The following ZNF831 variants were observed in gnomAD, a reference collection of about 807,000 sequenced individuals.
ZNF831 encodes zinc finger protein 831.
ZNF831 carries 59 observed loss-of-function variants against 95.8 expected under a neutral mutation model. The observed-to-expected ratio is 0.62, with a 90% CI of 0.50 to 0.77. The LOEUF is 0.77. Ranked by LOEUF, ZNF831 falls within the 30% of genes least tolerant of loss-of-function variation. The probability of loss-of-function intolerance (pLI) is 0.00; values close to 1 mark genes in which losing one functional copy is unlikely to be tolerated. For missense variants in ZNF831, 2,205 were observed against 2,164.0 expected (o/e 1.02, Z -0.38); for synonymous variants, 961 against 925.5 (o/e 1.04, Z -0.70).
At chr20:59,223,415 T>A (rs1434184116) in intron 4 of ZNF831, among the ~76,000 whole-genome samples, 1 of 152,176 alleles carries the variant, frequency 6.6e-6, no homozygotes, top group Non-Finnish European at 1.5e-5. Context: ...CCATGTTTTT[T>A]AAAAGCACAT....
intron 4 of ZNF831, among the ~76,000 whole-genome samples, chr20:59,252,341 C>T (rs73915990): frequency 0.013 from 1,988 of 152,276 alleles, 48 homozygotes; most frequent in African/African-American, 0.045. Flanking sequence ...ATGATGGAAC[C>T]TGCCCTCTCT....
intron 1 of ZNF831, among the ~76,000 whole-genome samples, chr20:59,172,679 T>G (rs1209215105): frequency 3.3e-5 from 5 of 152,134 alleles, no homozygotes; most frequent in African/African-American, 1.2e-4. Context: ...ATTTCCAGAT[T>G]TCAGTCAACC....
Position 59,193,747 on chromosome 20 carries a change from G to T in ZNF831, c.2728G>T (p.Ala910Ser), listed in dbSNP as rs142975883. Residue 910 changes from alanine (A) to serine (S), a missense_variant, in exon 2 of 6, where the codon GCC becomes TCC. Coordinates refer to ENST00000371030, the MANE Select transcript of ZNF831 (RefSeq NM_178457.3). ...RDKATPLHPA[A>S]PAPAEHPSLA... ...CAAGGCTACCCCACTGCATCCTGCA[G>T]CCCCAGCCCCCGCAGAGCACCCCTC... 2.5e-5 allele frequency: 40 copies of T among 1,609,726 alleles called. No homozygotes were observed. Among genetic ancestry groups the T allele is most frequent in the Admixed American group, 1.8e-4 (11 of 59,688 alleles).
rs772235624 is a variant in ZNF831 at position 59,194,146 on chromosome 20, T to A, written c.3127T>A (p.Ser1043Thr). ...SRPAARELPI[S>T]APGAPREATS... is the part of the protein sequence containing the mutation. ...GCCAGCAGCCAGGGAGTTGCCCATCTCAGCACCAGGGGCTCCCAGGGAGGC... is the reference window on the plus strand; with the variant it reads ...GCCAGCAGCCAGGGAGTTGCCCATCACAGCACCAGGGGCTCCCAGGGAGGC... The change falls in exon 2 of 6, where the codon TCA (serine) becomes ACA (threonine). Residue 1043 changes from serine to threonine, a missense_variant. Transcript: ENST00000371030. 4 of 1,573,902 alleles carry A rather than the reference T, an allele frequency of 2.5e-6. No individual in the cohort carries two copies. The highest frequency in any genetic ancestry group is 3.5e-6 in the Non-Finnish European group (4 of 1,158,666).
intron 1 of ZNF831, among the ~76,000 whole-genome samples, chr20:59,176,107 C>A (rs1335967259): frequency 6.6e-6 from 1 of 152,214 alleles, no homozygotes; most frequent in African/African-American, 2.4e-5. Flanking sequence ...CACACTGTGG[C>A]ACACCCACAC....
chr20:59,142,807 G>A (rs377194997), intron 1 of ZNF831, among the ~76,000 whole-genome samples: 3 of 152,212 alleles, frequency 2.0e-5, no homozygotes, highest in South Asian at 4.1e-4. Flanking sequence ...CTCAGCCATT[G>A]AATTAATTTG....
chr20:59,211,388 C>T (rs1311936238), intron 4 of ZNF831, among the ~76,000 whole-genome samples: 2 of 152,196 alleles, frequency 1.3e-5, no homozygotes, highest in Non-Finnish European at 2.9e-5. Flanking sequence ...GAAGCCCTAG[C>T]CCAGAGAATA....
intron 1 of ZNF831, among the ~76,000 whole-genome samples, chr20:59,139,524 G>A (rs547011038): frequency 2.0e-5 from 3 of 152,216 alleles, no homozygotes; most frequent in African/African-American, 4.8e-5. Context: ...ACCTGTGCAG[G>A]TGTGAACAAC....
chr20:59,179,385 A>G (rs950544340), intron 1 of ZNF831, among the ~76,000 whole-genome samples: 12 of 152,084 alleles, frequency 7.9e-5, no homozygotes, highest in African/African-American at 2.9e-4. Flanking sequence ...GCTTCCTTTC[A>G]CATCCTGGAT....
chr20:59,203,473 T>C (rs1984670765), intron 3 of ZNF831, among the ~76,000 whole-genome samples: 1 of 152,204 alleles, frequency 6.6e-6, no homozygotes, highest in African/African-American at 2.4e-5. Flanking sequence ...TGCACCACCA[T>C]GCCTGGCTTG....
In ZNF831 at chr20:59,177,951, G is replaced by C. The variant is rs188047867; in HGVS notation, c.-36-13033G>C. Among the ~76,000 whole-genome samples, 8 of 152,180 alleles carry C rather than the reference G, an allele frequency of 5.3e-5. No homozygotes were observed. The South Asian group carries it at 1.4e-3, about 28-fold the overall frequency. ...TGTGAAGAAGCGAGGCTGTTTTTCC[G>C]ATCTGCTCACAGTACTTCTCAGTAC... is the stretch of plus-strand genomic sequence containing the variant. On this transcript the variant is annotated intron_variant, in intron 1 of 5. Coordinates refer to ENST00000371030, the MANE Select transcript of ZNF831 (RefSeq NM_178457.3).
At chr20:59,253,869 C>CTTTTTTTTT in intron 5 of ZNF831, 29 bp from the exon 6 acceptor site, 1 of 1,067,576 alleles carries the variant, frequency 9.4e-7, no homozygotes, top group South Asian at 2.0e-5. Context: ...TCCCCCCCCA[C>CTTTTTTTTT]TTTTTTTTTC....
At chr20:59,125,529 C>T (rs1010098165) in intron 1 of ZNF831, among the ~76,000 whole-genome samples, 1 of 152,074 alleles carries the variant, frequency 6.6e-6, no homozygotes, top group Non-Finnish European at 1.5e-5. Context: ...GAAGCTCCGC[C>T]GATGGGTTTA....
At chr20:59,222,666 C>G (rs1261970540) in intron 4 of ZNF831, among the ~76,000 whole-genome samples, 2 of 152,178 alleles carry the variant, frequency 1.3e-5, no homozygotes, top group Non-Finnish European at 2.9e-5. Flanking sequence ...AAGCCGCCTT[C>G]CAAGCTCCGC....
rs999481605 is a variant in ZNF831 at position 59,158,221 on chromosome 20, T to G, written c.-1280-1431T>G. Reference sequence around the variant, plus strand: ...ACAGGGAGCTGCAGAAGGCGATTACTCCGGGGGAGCATTGGGCACTGAGAG... The same window carrying G: ...ACAGGGAGCTGCAGAAGGCGATTACGCCGGGGGAGCATTGGGCACTGAGAG... On this transcript the variant is annotated intron_variant, in intron 2 of 7. Coordinates refer to the ZNF831 transcript ENST00000637017. Among the ~76,000 whole-genome samples, 16 of 152,284 alleles carry G rather than the reference T, an allele frequency of 1.1e-4. 1 individual carries two copies. The highest frequency in any genetic ancestry group is 8.3e-4 in the South Asian group (4 of 4,822).
chr20:59,254,863 AT>A lies in ZNF831; in HGVS notation c.*124del. ...GAAACACCTACAGATTAGGAAAGCCATTTTGAGTTATTTACAAGCCAACTCC... is the reference window on the plus strand; with the variant it reads ...GAAACACCTACAGATTAGGAAAGCCATTTGAGTTATTTACAAGCCAACTCC... On this transcript the variant is annotated 3_prime_UTR_variant, in exon 6 of 6. Transcript: ENST00000371030. This position sits in a 1 kb window ranked among gnomAD's most constrained non-coding sequence, Gnocchi z 4.5. The A allele has an allele frequency of 7.2e-7, 1 of 1,390,140 alleles. No homozygotes were observed. The highest frequency in any genetic ancestry group is 1.5e-5 in the South Asian group (1 of 65,994). The allele number at this position is 1,390,140 out of a possible 1,614,324, so 86.1% of individuals were successfully genotyped here. A position where few individuals can be genotyped will look rare whatever the true frequency, so the allele number is the denominator to read the frequency against.
In ZNF831 at chr20:59,254,967, G is replaced by A; in HGVS notation, c.*224G>A. ...AGTGCTCTGCTCATCTTCAAATGGT[G>A]CCAGGCAGGGCAGACATGGCAAGGA... On this transcript the variant is annotated 3_prime_UTR_variant, in exon 6 of 6. Coordinates refer to ENST00000371030, the MANE Select transcript of ZNF831 (RefSeq NM_178457.3). The surrounding 1 kb of genome is among the most constrained non-coding windows in gnomAD (Gnocchi z 4.5). 3.9e-6 allele frequency: 2 copies of A among 512,244 alleles called. No homozygotes were observed. Among genetic ancestry groups the A allele is most frequent in the South Asian group, 5.6e-5 (2 of 36,002 alleles). 31.7% of individuals were successfully genotyped at this position (512,244 alleles called of 1,614,324 possible). A position where few individuals can be genotyped will look rare whatever the true frequency, so the allele number is the denominator to read the frequency against.
rs6092751 is a variant in ZNF831, at chr20:59,219,274, C to T, written c.4027+12218C>T. Among the ~76,000 whole-genome samples, 116 of 152,244 alleles carry T rather than the reference C, an allele frequency of 7.6e-4. No homozygotes were observed. The East Asian group carries it at 0.018, about 23-fold the overall frequency. ...GGAACCGGTTGGTGGACCAAGACAC[C>T]TTTGTGAGACAGATGAGAGTCACGT... On this transcript the variant is annotated intron_variant, in intron 4 of 5. Transcript: ENST00000371030.
At chr20:59,252,124 T>G (rs1362844231) in intron 4 of ZNF831, among the ~76,000 whole-genome samples, 2 of 152,180 alleles carry the variant, frequency 1.3e-5, no homozygotes, top group African/African-American at 2.4e-5. Context: ...TTATCAGACA[T>G]GAAGGAGCTA....
Sources: gnomAD v4.1 joint callset for allele counts (sites outside exome capture counted in the v4.1 genomes callset) on GRCh38, gnomAD v4.1.1 for gene constraint, Gnocchi (gnomAD v3.1) non-coding constraint, MANE v1.5 for transcripts, NCBI Gene and HGNC (gene_info 2026-07-23, HGNC 2026-07-21) for gene names.